GLP2R: variants seen among roughly 807,000 people sequenced by gnomAD.
GLP2R encodes the protein glucagon-like peptide 2 receptor.
A neutral mutation model predicts 68.2 loss-of-function variants in GLP2R; 59 were observed. That is an observed-to-expected ratio of 0.87 (90% CI 0.70 to 1.07). The LOEUF (loss-of-function observed/expected upper bound fraction) is 1.07. GLP2R is among the 50% of genes least tolerant of loss of function. GLP2R has a pLI of 0.00. For missense variants in GLP2R, 548 were observed against 677.4 expected (o/e 0.81, Z 2.12); for synonymous variants, 270 against 265.4 (o/e 1.02, Z -0.17).
intron 11 of GLP2R, among the ~76,000 whole-genome samples, chr17:9,884,091 A>C (rs2067220506): frequency 6.6e-6 from 1 of 152,186 alleles, no homozygotes; most frequent in Non-Finnish European, 1.5e-5. Flanking sequence ...ATATCACAGG[A>C]GAAGAATGAG....
chr17:9,843,742 C>T (rs9893449), intron 4 of GLP2R, among the ~76,000 whole-genome samples: 1,528 of 152,280 alleles, frequency 0.01, 30 homozygotes, highest in African/African-American at 0.035. Flanking sequence ...CTGCACAAAG[C>T]GGAGGAACAG....
At chr17:9,859,628 T>TA (rs150895787) in intron 6 of GLP2R, among the ~76,000 whole-genome samples, 1,355 of 123,626 alleles carry the variant, frequency 0.011, 17 homozygotes, top group African/African-American at 0.042. Context: ...CTGTGTCTAC[T>TA]AAAAAAAAAT....
rs1247654328 is a variant in GLP2R at position 9,860,021 on chromosome 17, G to A, written c.845G>A (p.Gly282Asp). ...AATTACTTATGGCTGCTGGTTGAAG[G>A]CCTCTACCTCCACACGCTGCTGGAG... ...GANYLWLLVE[G>D]LYLHTLLEPT... Residue 282 changes from glycine to aspartate, a missense_variant, in exon 7 of 13, where the codon GGC becomes GAC. Transcript: ENST00000262441. The A allele has an allele frequency of 2.5e-6, 4 of 1,613,520 alleles. No homozygotes were observed. The highest frequency in any genetic ancestry group is 3.4e-6 in the Non-Finnish European group (4 of 1,179,918).
At chr17:9,845,254 G>A (rs1270426831) in intron 4 of GLP2R, among the ~76,000 whole-genome samples, 1 of 152,060 alleles carries the variant, frequency 6.6e-6, no homozygotes, top group Non-Finnish European at 1.5e-5. Flanking sequence ...TCACCATATT[G>A]CCCAGGCTGA....
chr17:9,871,499 C>A (rs1394532646), intron 10 of GLP2R, among the ~76,000 whole-genome samples: 2 of 152,134 alleles, frequency 1.3e-5, no homozygotes, highest in East Asian at 3.9e-4. Context: ...AGACCACAAA[C>A]TTTTAGGGTC....
chr17:9,830,155 T>A (rs896320637), intron 1 of GLP2R, among the ~76,000 whole-genome samples: 3 of 152,204 alleles, frequency 2.0e-5, no homozygotes, highest in African/African-American at 7.2e-5. Flanking sequence ...ACTGACAAAA[T>A]TCAGTACTTT....
Position 9,859,976 on chromosome 17 carries a change from T to G in GLP2R, c.800T>G (p.Leu267Trp). ...STSCRSVQVLLHYFVGANYLW... is the reference protein window; with the variant it reads ...STSCRSVQVLWHYFVGANYLW... ...TCCTGCCGCTCAGTCCAGGTTCTCT[T>G]GCATTACTTTGTGGGTGCCAATTAC... Residue 267 changes from leucine to tryptophan, a missense_variant, in exon 7 of 13, where the codon TTG becomes TGG. Physicochemically the swap from Leu to Trp is moderately conservative, Grantham distance 61. Transcript: ENST00000262441. 4 of 1,613,050 alleles carry G rather than the reference T, an allele frequency of 2.5e-6. No homozygotes were observed. The highest frequency in any genetic ancestry group is 3.4e-6 in the Non-Finnish European group (4 of 1,179,848).
chr17:9,873,780 A>C (rs577204199), intron 10 of GLP2R, among the ~76,000 whole-genome samples: 1 of 152,196 alleles, frequency 6.6e-6, no homozygotes, highest in African/African-American at 2.4e-5. Flanking sequence ...AATAAGCATT[A>C]GTTAATCAAC....
At chr17:9,831,339 A>G (rs4791882) in intron 1 of GLP2R, among the ~76,000 whole-genome samples, 43,336 of 152,132 alleles carry the variant, frequency 0.28, 11,118 homozygotes, top group African/African-American at 0.68. Flanking sequence ...CATTAACTCC[A>G]GCCCTGTGCT....
chr17:9,874,181 G>A (rs890521024), intron 10 of GLP2R, among the ~76,000 whole-genome samples: 20 of 152,098 alleles, frequency 1.3e-4, no homozygotes, highest in African/African-American at 3.1e-4. Flanking sequence ...TGGAGGGTGC[G>A]TACCCACCAG....
intron 10 of GLP2R, among the ~76,000 whole-genome samples, chr17:9,873,869 G>A (rs2067120484): frequency 6.6e-6 from 1 of 152,114 alleles, no homozygotes. Context: ...GAGGGAGGAC[G>A]TTCTCAGTGG....
chr17:9,859,830 AAAAAAAAAAAAAAAAAG>A, intron 6 of GLP2R, 95 bp from the exon 7 acceptor site: 1 of 561,272 alleles, frequency 1.8e-6, no homozygotes, highest in Non-Finnish European at 2.7e-6. Flanking sequence ...AAAAAAAAAA[AAAAAAAAAAAAAAAAAG>A]AGGGAGAGGT....
chr17:9,830,334 A>C (rs993236006), intron 1 of GLP2R, among the ~76,000 whole-genome samples: 5 of 152,214 alleles, frequency 3.3e-5, no homozygotes, highest in African/African-American at 1.2e-4. Context: ...TGGATCTTAC[A>C]CTGATGACTT....
rs1419159062 is a variant in GLP2R at position 9,890,363 on chromosome 17, A to G, written c.*658A>G. 1 of 250,394 alleles carries G rather than the reference A, an allele frequency of 4.0e-6. No homozygotes were observed. The highest frequency in any genetic ancestry group is 2.3e-5 in the African/African-American group (1 of 43,460). 15.5% of individuals were successfully genotyped at this position (250,394 alleles called of 1,614,324 possible). ...GCCTGCCCTCCTTGGAGAGTATGTA[A>G]CTCCACCCACCAGAGTGCCACTCCT... On this transcript the variant is annotated 3_prime_UTR_variant, in exon 13 of 13. Transcript: ENST00000262441.
rs767519108 is a variant in GLP2R, at chr17:9,880,396, G to T, written c.1164G>T (p.Leu388=). 2 of 1,598,348 alleles carry T rather than the reference G, an allele frequency of 1.3e-6. No individual in the cohort carries two copies. The highest frequency in any genetic ancestry group is 1.7e-6 in the Non-Finnish European group (2 of 1,169,644). Residue 388 remains leucine (L), a synonymous_variant, in exon 11 of 13, where the codon CTG becomes CTT. Coordinates refer to ENST00000262441, the MANE Select transcript of GLP2R (RefSeq NM_004246.3). ...DYKYRLAKST[L]VLIPLLGVHE... is the part of the protein sequence containing the mutation. ...TTTACAGATTGGCAAAATCAACACTGGTCCTCATTCCTTTATTGGGCGTTC... is the reference window on the plus strand; with the variant it reads ...TTTACAGATTGGCAAAATCAACACTTGTCCTCATTCCTTTATTGGGCGTTC...
In GLP2R at chr17:9,832,687, T is replaced by C. The variant is rs892342050; in HGVS notation, c.190-1120T>C. Among the ~76,000 whole-genome samples, 22 of 151,312 alleles carry C rather than the reference T, an allele frequency of 1.5e-4. 1 individual carries two copies. Among genetic ancestry groups the C allele is most frequent in the African/African-American group, 4.9e-4 (20 of 41,004 alleles). On this transcript the variant is annotated intron_variant, in intron 1 of 12. Transcript: ENST00000262441. ...CAGGGGTTGCAGTGAGCGGAGATTG[T>C]CCCATCACACTCTAGCCTGGGCAAC...
intron 6 of GLP2R, among the ~76,000 whole-genome samples, chr17:9,858,336 A>G (rs2066953221): frequency 6.6e-6 from 1 of 152,236 alleles, no homozygotes; most frequent in Non-Finnish European, 1.5e-5. Context: ...CCTGGAATAA[A>G]TCCAACTAGG....
chr17:9,872,305 G>A (rs2067102143), intron 10 of GLP2R, among the ~76,000 whole-genome samples: 1 of 152,144 alleles, frequency 6.6e-6, no homozygotes, highest in Non-Finnish European at 1.5e-5. Flanking sequence ...GGCCAGGTTC[G>A]GTGACTCACG....
intron 4 of GLP2R, among the ~76,000 whole-genome samples, chr17:9,850,781 C>T (rs1358972679): frequency 6.7e-6 from 1 of 150,348 alleles, no homozygotes; most frequent in Admixed American, 6.7e-5. Context: ...GCAACCTCCA[C>T]CTCCAGGGTT....
Sources: allele counts gnomAD v4.1 joint callset (sites outside exome capture counted in the v4.1 genomes callset), GRCh38; gene constraint gnomAD v4.1.1; transcripts MANE v1.5; gene names NCBI Gene and HGNC (gene_info 2026-07-23, HGNC 2026-07-21).